Variants in SUPT3H observed in about 807,000 individuals in gnomAD.
The protein encoded by SUPT3H is transcription initiation protein SPT3 homolog.
SUPT3H carries 44 observed loss-of-function variants against 44.3 expected under a neutral mutation model. The observed-to-expected ratio is 0.99, with a 90% CI of 0.78 to 1.28. The LOEUF is 1.28. Ranked by LOEUF, SUPT3H falls within the 50% of genes most tolerant of loss-of-function variation. SUPT3H has a pLI of 0.00. For missense variants in SUPT3H, 380 were observed against 387.1 expected (o/e 0.98, Z 0.15); for synonymous variants, 124 against 125.6 (o/e 0.99, Z 0.09).
At chr6:44,903,916 A>G (rs1051402975) in intron 10 of SUPT3H, among the ~76,000 whole-genome samples, 14 of 152,276 alleles carry the variant, frequency 9.2e-5, no homozygotes, top group African/African-American at 3.4e-4. Flanking sequence ...TATAAACAGA[A>G]CCAATGGCAA....
chr6:45,195,095 CA>C (rs1217918985), intron 2 of SUPT3H, among the ~76,000 whole-genome samples: 2 of 151,746 alleles, frequency 1.3e-5, no homozygotes, highest in Admixed American at 1.3e-4. Context: ...TGAATTGGCA[CA>C]AAAAATTGGC....
At chr6:45,029,814 G>C (rs1489606697) in intron 3 of SUPT3H, among the ~76,000 whole-genome samples, 1 of 152,122 alleles carries the variant, frequency 6.6e-6, no homozygotes, top group Non-Finnish European at 1.5e-5. Flanking sequence ...ACCCAGGCTG[G>C]AGTGCTGTGG....
chr6:45,322,329 C>T (rs1172095299), intron 2 of SUPT3H, among the ~76,000 whole-genome samples: 2 of 151,354 alleles, frequency 1.3e-5, no homozygotes, highest in Non-Finnish European at 3.0e-5. Context: ...GTAAAACCTA[C>T]ATTTTAAACA....
chr6:45,286,227 G>A (rs7764293), intron 2 of SUPT3H, among the ~76,000 whole-genome samples: 149 of 151,996 alleles, frequency 9.8e-4, no homozygotes, highest in African/African-American at 3.2e-3. Context: ...AATGGCAACA[G>A]AAGCCAAAAT....
At chr6:44,959,692 T>C (rs566370742) in intron 7 of SUPT3H, among the ~76,000 whole-genome samples, 1 of 152,236 alleles carries the variant, frequency 6.6e-6, no homozygotes, top group East Asian at 1.9e-4. Context: ...AAAGACTGAA[T>C]TGTGAATTAG....
In SUPT3H at chr6:44,922,067, C is replaced by G. The variant is rs16872894; in HGVS notation, c.912+10586G>C. ...CTCTAATCAGGTGGGAGAACCTATC[C>G]AGGTGCCAGGGCAAAAATTAACATC... On this transcript the variant is annotated intron_variant, in intron 10 of 10. Transcript: ENST00000371459. Among the ~76,000 whole-genome samples, 598 of 152,324 alleles carry G rather than the reference C, an allele frequency of 3.9e-3. 7 individuals are homozygous for G. The highest frequency in any genetic ancestry group is 0.014 in the African/African-American group (569 of 41,576).
chr6:44,909,130 TGTGTGTGTGTGC>T (rs1440776522), intron 10 of SUPT3H, among the ~76,000 whole-genome samples: 2 of 104,632 alleles, frequency 1.9e-5, no homozygotes, highest in Admixed American at 1.2e-4. Flanking sequence ...AAGAGGTGTG[TGTGTGTGTGTGC>T]GTGTGTGTGT....
intron 10 of SUPT3H, among the ~76,000 whole-genome samples, chr6:44,849,463 G>A (rs1316444562): frequency 7.9e-5 from 12 of 151,870 alleles, no homozygotes; most frequent in Non-Finnish European, 1.5e-4. Flanking sequence ...TCCTGACCTC[G>A]TGATCCGCCC....
chr6:44,928,812 GGCGGAGCTTGCAGTGA>G, intron 10 of SUPT3H, among the ~76,000 whole-genome samples: 1 of 146,820 alleles, frequency 6.8e-6, no homozygotes, highest in South Asian at 2.1e-4. Flanking sequence ...GAACCTGGGA[GGCGGAGCTTGCAGTGA>G]GCGGAGATCG....
At chr6:45,150,604 G>A (rs1247989048) in intron 2 of SUPT3H, among the ~76,000 whole-genome samples, 1 of 151,868 alleles carries the variant, frequency 6.6e-6, no homozygotes, top group Non-Finnish European at 1.5e-5. Context: ...TATCTCAGTG[G>A]CAGCATTTTC....
intron 2 of SUPT3H, among the ~76,000 whole-genome samples, chr6:45,296,477 G>A (rs1781244726): frequency 6.6e-6 from 1 of 152,058 alleles, no homozygotes; most frequent in Non-Finnish European, 1.5e-5. Flanking sequence ...GATGACTCAT[G>A]CCTGTAATCC....
rs373449773 is a variant in SUPT3H at position 45,236,280 on chromosome 6, G to A, written c.101+128921C>T. 2.8e-3 allele frequency among the ~76,000 whole-genome samples: 426 copies of A among 152,184 alleles called. 5 individuals are homozygous for A. Among genetic ancestry groups the A allele is most frequent in the African/African-American group, 8.4e-3 (348 of 41,534 alleles). ...CTCAAACCCAGGTCGAAAGGTCGCC[G>A]GGGCAATGGTTGGAGAACATGGAAC... On this transcript the variant is annotated intron_variant, in intron 2 of 10. Transcript: ENST00000371459.
At chr6:45,085,563 T>C (rs965039756) in intron 3 of SUPT3H, among the ~76,000 whole-genome samples, 5 of 152,176 alleles carry the variant, frequency 3.3e-5, no homozygotes, top group African/African-American at 4.8e-5. Context: ...TTGATGATTA[T>C]GGAAAAAATT....
At chr6:44,923,396 C>T (rs369397063) in intron 10 of SUPT3H, among the ~76,000 whole-genome samples, 117 of 152,136 alleles carry the variant, frequency 7.7e-4, no homozygotes, top group African/African-American at 2.8e-3. Flanking sequence ...AATTTTTGTG[C>T]TACTCCAAAT....
chr6:45,316,878 A>G (rs929234998), intron 2 of SUPT3H, among the ~76,000 whole-genome samples: 1 of 152,172 alleles, frequency 6.6e-6, no homozygotes. Flanking sequence ...GAAATGGAAG[A>G]AGACACAATT....
intron 5 of SUPT3H, among the ~76,000 whole-genome samples, chr6:45,010,792 A>G (rs966411299): frequency 2.0e-5 from 3 of 152,118 alleles, no homozygotes; most frequent in South Asian, 4.1e-4. Context: ...AAATACTACC[A>G]CACTGGGAAT....
intron 10 of SUPT3H, among the ~76,000 whole-genome samples, chr6:44,880,185 G>C (rs1777986950): frequency 1.3e-5 from 2 of 151,988 alleles, no homozygotes; most frequent in South Asian, 4.2e-4. Context: ...CCTGAAAAAA[G>C]GTTAGAGGAA....
chr6:44,890,053 A>T (rs929305669), intron 10 of SUPT3H, among the ~76,000 whole-genome samples: 4 of 151,624 alleles, frequency 2.6e-5, no homozygotes, highest in East Asian at 1.9e-4. Flanking sequence ...TCAAAACCAC[A>T]ATGAGATACC....
chr6:44,956,256 G>A (rs1775146612), intron 7 of SUPT3H, among the ~76,000 whole-genome samples: 1 of 151,822 alleles, frequency 6.6e-6, no homozygotes, highest in Admixed American at 6.6e-5. Flanking sequence ...AGGCCAAGGT[G>A]GGCAGATCAC....
Sources: gnomAD v4.1 joint callset for allele counts (sites outside exome capture counted in the v4.1 genomes callset) on GRCh38, gnomAD v4.1.1 for gene constraint, MANE v1.5 for transcripts, NCBI Gene and HGNC (gene_info 2026-07-23, HGNC 2026-07-21) for gene names.